The following XIRP2 variants were observed in gnomAD, a reference collection of about 807,000 sequenced individuals.
The protein encoded by XIRP2 is xin actin binding repeat containing 2, also known as xin actin-binding repeat-containing protein 2.
Under a neutral mutation model 277.0 loss-of-function variants are expected in XIRP2, and 236 were observed. The ratio of observed to expected loss-of-function variants is 0.85; its 90% CI spans 0.77 to 0.95. The LOEUF (loss-of-function observed/expected upper bound fraction) is 0.95, where lower values mean the gene tolerates loss of function less well. Ranked by LOEUF, XIRP2 falls within the 40% of genes least tolerant of loss-of-function variation. The probability of loss-of-function intolerance (pLI) is 0.00; values close to 1 mark genes in which losing one functional copy is unlikely to be tolerated. For missense variants in XIRP2, 4,640 were observed against 4,157.5 expected, an observed-to-expected ratio of 1.12 and a Z score of -3.19; for synonymous variants, 1,490 against 1,416.5, an observed-to-expected ratio of 1.05 and a Z score of -1.17.
Position 167,258,025 on chromosome 2 carries a change from A to G in XIRP2, c.*208A>G, listed in dbSNP as rs775229766. On this transcript the variant is annotated 3_prime_UTR_variant, in exon 11 of 11. Coordinates refer to ENST00000409195, the MANE Select transcript of XIRP2 (RefSeq NM_152381.6). ...CAGTGGACTTTATTCCTAATGAAGA[A>G]CCAAATATGTGTAAAAATATTGCAG... 32 of 1,613,204 alleles carry G rather than the reference A, an allele frequency of 2.0e-5. No homozygotes were observed. Among genetic ancestry groups the G allele is most frequent in the Non-Finnish European group, 2.6e-5 (31 of 1,179,524 alleles).
At position 167,249,728 on chromosome 2, in the gene XIRP2, G is replaced by T. The variant is rs1695409579; in HGVS notation, c.8336G>T (p.Arg2779Ile). 1 of 1,613,366 alleles carries T rather than the reference G, an allele frequency of 6.2e-7. No homozygotes were observed. The highest frequency in any genetic ancestry group is 1.7e-5 in the Admixed American group (1 of 59,914). ...TATCAGTTACCTAAGAAGGAGAAAA[G>T]AGTGACAGTACAATTGCCTACAGAA... is the stretch of plus-strand genomic sequence containing the variant. ...RHYQLPKKEK[R>I]VTVQLPTESI... Residue 2779 changes from arginine (R) to isoleucine (I), a missense_variant, in exon 9 of 11, where the codon AGA becomes ATA. By Grantham distance (97) the Arg-to-Ile change is moderately conservative (BLOSUM62 -3). Coordinates refer to ENST00000409195, the MANE Select transcript of XIRP2 (RefSeq NM_152381.6).
At chr2:166,936,809 A>C (rs180718621) in intron 2 of XIRP2, among the ~76,000 whole-genome samples, 36 of 152,216 alleles carry the variant, frequency 2.4e-4, no homozygotes, top group African/African-American at 8.4e-4. Context: ...TGTTTTGGTT[A>C]CTGTAGCCTT....
intron 2 of XIRP2, among the ~76,000 whole-genome samples, chr2:167,032,107 T>C (rs1688380520): frequency 6.6e-6 from 1 of 152,034 alleles, no homozygotes; most frequent in Admixed American, 6.6e-5. Context: ...AAAACAGATA[T>C]ATAGACAAAT....
Position 167,246,249 on chromosome 2 carries a change from T to A in XIRP2, c.4857T>A (p.Thr1619=), listed in dbSNP as rs532822882. 6.2e-7 allele frequency: 1 copy of A among 1,613,492 alleles called. No homozygotes were observed. The highest frequency in any genetic ancestry group is 1.1e-5 in the South Asian group (1 of 91,032). The change falls in exon 9 of 11, where the codon ACT becomes ACA. Residue 1619 remains threonine (T), a synonymous_variant. Transcript: ENST00000409195. ...MVNLLSKRDC[T]EREILISEEE... ...ACCTACTTTCCAAAAGGGACTGTAC[T>A]GAAAGAGAGATTTTGATTAGTGAAG... is the stretch of plus-strand genomic sequence containing the variant.
intron 2 of XIRP2, among the ~76,000 whole-genome samples, chr2:166,924,598 G>A (rs1315951028): frequency 6.6e-6 from 1 of 151,366 alleles, no homozygotes; most frequent in Non-Finnish European, 1.5e-5. Flanking sequence ...GATCTCTTCT[G>A]TCATTACAAA....
chr2:167,108,236 T>C (rs1223043454), intron 2 of XIRP2, among the ~76,000 whole-genome samples: 2 of 151,994 alleles, frequency 1.3e-5, no homozygotes, highest in Non-Finnish European at 2.9e-5. Context: ...GTGTCATCTC[T>C]CTTTTTTCTT....
chr2:167,138,076 T>C (rs1161041951), intron 3 of XIRP2, among the ~76,000 whole-genome samples: 2 of 152,080 alleles, frequency 1.3e-5, no homozygotes, highest in South Asian at 2.1e-4. Flanking sequence ...GATAAACACA[T>C]GTTTCTAAAT....
At chr2:167,142,537 G>A (rs192615110) in intron 3 of XIRP2, among the ~76,000 whole-genome samples, 1 of 151,582 alleles carries the variant, frequency 6.6e-6, no homozygotes, top group East Asian at 1.9e-4. Flanking sequence ...ACAGAGCAAG[G>A]CTCCATCACA....
intron 2 of XIRP2, among the ~76,000 whole-genome samples, chr2:166,981,919 T>C (rs1312443851): frequency 6.6e-6 from 1 of 152,230 alleles, no homozygotes; most frequent in African/African-American, 2.4e-5. Flanking sequence ...ATTTGTGTTT[T>C]CTCATACTCT....
intron 3 of XIRP2, among the ~76,000 whole-genome samples, chr2:167,158,108 G>A (rs1419236237): frequency 1.3e-5 from 2 of 152,140 alleles, no homozygotes; most frequent in East Asian, 3.8e-4. Context: ...AAGAAGAATT[G>A]AAGCAAATTG....
chr2:166,999,217 T>G (rs1232333066), intron 2 of XIRP2, among the ~76,000 whole-genome samples: 1 of 152,150 alleles, frequency 6.6e-6, no homozygotes, highest in African/African-American at 2.4e-5. Context: ...ATAGCTTTAT[T>G]TTGATACCAT....
At chr2:167,207,713 T>C (rs1288877724) in intron 3 of XIRP2, among the ~76,000 whole-genome samples, 4 of 152,184 alleles carry the variant, frequency 2.6e-5, no homozygotes, top group African/African-American at 9.7e-5. Flanking sequence ...CAATTTCTCA[T>C]GATTTAAGAA....
At chr2:166,904,760 C>T (rs536236847) in intron 2 of XIRP2, among the ~76,000 whole-genome samples, 39 of 152,152 alleles carry the variant, frequency 2.6e-4, no homozygotes, top group African/African-American at 9.4e-4. Context: ...AAAGCAAAGT[C>T]CACGCTTTTT....
chr2:166,986,915 G>T (rs1464549638), intron 2 of XIRP2, among the ~76,000 whole-genome samples: 1 of 152,032 alleles, frequency 6.6e-6, no homozygotes, highest in East Asian at 1.9e-4. Flanking sequence ...TGCATTTTGG[G>T]TTTTTTCCAA....
Position 167,007,068 on chromosome 2 carries a change from C to A in XIRP2, c.408+103178C>A, listed in dbSNP as rs367844843. Among the ~76,000 whole-genome samples, 7 of 151,718 alleles carry A rather than the reference C, an allele frequency of 4.6e-5. No homozygotes were observed. The East Asian group carries it at 1.4e-3, about 30-fold the overall frequency. On this transcript the variant is annotated intron_variant, in intron 2 of 10. Coordinates refer to ENST00000409195, the MANE Select transcript of XIRP2 (RefSeq NM_152381.6). ...CAACAATGTTTCACTGCACAAAGTA[C>A]ATCTTATTTCTCTTATTTGCAAATC...
chr2:167,084,982 T>C (rs1478879794), intron 2 of XIRP2, among the ~76,000 whole-genome samples: 2 of 135,266 alleles, frequency 1.5e-5, no homozygotes, highest in African/African-American at 5.1e-5. Flanking sequence ...TGCCTTCTGC[T>C]AGCTTTTGAA....
intron 3 of XIRP2, among the ~76,000 whole-genome samples, chr2:167,168,874 A>G (rs376934925): frequency 2.6e-5 from 4 of 152,274 alleles, no homozygotes; most frequent in African/African-American, 9.6e-5. Context: ...TCAGCCTCCC[A>G]AAGTGCATTA....
intron 2 of XIRP2, among the ~76,000 whole-genome samples, chr2:167,077,759 G>T (rs952445737): frequency 2.0e-5 from 3 of 152,168 alleles, no homozygotes; most frequent in Non-Finnish European, 4.4e-5. Flanking sequence ...CCATGTTAAG[G>T]GTTTGGCTTT....
chr2:166,943,653 C>G (rs879778670), intron 2 of XIRP2, among the ~76,000 whole-genome samples: 1 of 152,234 alleles, frequency 6.6e-6, no homozygotes, highest in Non-Finnish European at 1.5e-5. Flanking sequence ...TCATGTCACA[C>G]TGACTGGCCA....
Sources: allele counts gnomAD v4.1 joint callset (sites outside exome capture counted in the v4.1 genomes callset), GRCh38; gene constraint gnomAD v4.1.1; transcripts MANE v1.5; gene names NCBI Gene and HGNC (gene_info 2026-07-23, HGNC 2026-07-21).